Variants in MATK observed in about 807,000 individuals in gnomAD.
MATK encodes the protein megakaryocyte-associated tyrosine kinase.
In MATK, 41 loss-of-function variants were observed where a neutral mutation model predicts 59.8. The ratio of observed to expected loss-of-function variants is 0.69; its 90% CI spans 0.53 to 0.89. MATK has a LOEUF of 0.89. MATK is among the 40% of genes least tolerant of loss of function. MATK has a pLI of 0.00. For synonymous variants in MATK, 308 were observed against 306.1 expected (o/e 1.01, Z -0.06); for missense variants, 593 against 719.6 (o/e 0.82, Z 2.01).
chr19:3,783,958 C>T lies in MATK; in HGVS notation c.438G>A (p.Val146=), dbSNP rs1466115585. The change falls in exon 6 of 14, where the codon GTG becomes GTA. Residue 146 remains valine, a synonymous_variant. Coordinates refer to ENST00000310132, the MANE Select transcript of MATK (RefSeq NM_139355.3). ...LQPPEDGLFL[V]RESARHPGDY... Reference sequence around the variant, plus strand: ...CGCCGGGGTGGCGCGCGGACTCCCGCACCAGGAACAGCCCATCCTCGGGAG... The same window carrying T: ...CGCCGGGGTGGCGCGCGGACTCCCGTACCAGGAACAGCCCATCCTCGGGAG... 6.2e-7 allele frequency: 1 copy of T among 1,612,328 alleles called. No individual in the cohort carries two copies. The highest frequency in any genetic ancestry group is 8.5e-7 in the Non-Finnish European group (1 of 1,179,702).
chr19:3,784,745 C>A, intron 3 of MATK, 80 bp downstream of exon 3: 1 of 994,364 alleles, frequency 1.0e-6, no homozygotes, highest in Non-Finnish European at 1.6e-6. Flanking sequence ...AGAGTACAGC[C>A]CTTCAGGAAG....
intron 1 of MATK, among the ~76,000 whole-genome samples, chr19:3,798,241 T>C (rs2037612740): frequency 1.3e-5 from 2 of 152,148 alleles, no homozygotes; most frequent in Non-Finnish European, 2.9e-5. Flanking sequence ...TCTTTGTCTC[T>C]CCTTCAGGTT....
At chr19:3,789,792 T>A (rs137997526), upstream of MATK, among the ~76,000 whole-genome samples, 1 of 147,894 alleles carries the variant, frequency 6.8e-6, no homozygotes, top group Non-Finnish European at 1.5e-5. Flanking sequence ...TGGCCTGATC[T>A]CGGCTCACTG....
chr19:3,782,668 C>A (rs564909574), intron 7 of MATK: 1 of 179,024 alleles, frequency 5.6e-6, no homozygotes, highest in South Asian at 1.2e-4. Flanking sequence ...CTGGGCCTCT[C>A]TCCCTGGAGG....
chr19:3,779,178 G>A lies in MATK; in HGVS notation c.1011C>T (p.Ala337=), dbSNP rs772454720. ...AQLLQFSLHV[A]EGMEYLESKK... is the part of the protein sequence containing the mutation. Reference sequence around the variant, plus strand: ...TGCTCTCCAGGTACTCCATGCCCTCGGCCACGTGCCTGGGGGTAGTAGGGG... The same window carrying A: ...TGCTCTCCAGGTACTCCATGCCCTCAGCCACGTGCCTGGGGGTAGTAGGGG... The change falls in exon 12 of 14, where the codon GCC becomes GCT. Residue 337 remains alanine, a synonymous_variant. Transcript: ENST00000310132. 99 of 1,589,042 alleles carry A rather than the reference G, an allele frequency of 6.2e-5. No homozygotes were observed. Among genetic ancestry groups the A allele is most frequent in the Middle Eastern group, 1.7e-4 (1 of 6,004 alleles).
At position 3,778,167 on chromosome 19, in the gene MATK, G is replaced by C; in HGVS notation, c.*16C>G. 6.5e-7 allele frequency: 1 copy of C among 1,542,186 alleles called. No homozygotes were observed. Among genetic ancestry groups the C allele is most frequent in the East Asian group, 2.4e-5 (1 of 41,610 alleles). On this transcript the variant is annotated 3_prime_UTR_variant, in exon 14 of 14. Coordinates refer to ENST00000310132, the MANE Select transcript of MATK (RefSeq NM_139355.3). ...CTCTCTCGGTCCTCTGGGGCCAAGG[G>C]CCCCACCGGGTGGGGTCAGGGCTCC... is the stretch of plus-strand genomic sequence containing the variant.
intron 13 of MATK, 35 bp from the exon 14 acceptor site, chr19:3,778,457 A>G: frequency 6.2e-7 from 1 of 1,613,434 alleles, no homozygotes; most frequent in Non-Finnish European, 8.5e-7. Flanking sequence ...GGTCAGGGCC[A>G]CAGCCTCTGG....
intron 12 of MATK, 32 bp from the exon 13 acceptor site, chr19:3,778,627 C>A (rs776930681): frequency 3.8e-6 from 6 of 1,582,420 alleles, no homozygotes; most frequent in Non-Finnish European, 8.6e-7. Context: ...TGAGGAGGGA[C>A]CCCTCAGGTT....
intron 7 of MATK, 121 bp downstream of exon 7, chr19:3,783,005 G>T: frequency 1.2e-6 from 1 of 842,200 alleles, no homozygotes; most frequent in African/African-American, 1.7e-5. Context: ...CTATCCCATA[G>T]CTGGGCATGG....
chr19:3,793,216 C>T (rs1291039342), intron 1 of MATK: 3 of 152,248 alleles, frequency 2.0e-5, no homozygotes, highest in African/African-American at 4.8e-5. Context: ...AGGTTGTTTT[C>T]CAGCCACACT....
At chr19:3,795,422 G>A (rs2037584664) in intron 1 of MATK, among the ~76,000 whole-genome samples, 1 of 151,890 alleles carries the variant, frequency 6.6e-6, no homozygotes, top group African/African-American at 2.4e-5. Flanking sequence ...ACAGGCATGT[G>A]CCACCACACC....
chr19:3,779,136 G>C lies in MATK; in HGVS notation c.1053C>G (p.Arg351=). The C allele has an allele frequency of 6.2e-7, 1 of 1,608,622 alleles. No homozygotes were observed. The highest frequency in any genetic ancestry group is 8.5e-7 in the Non-Finnish European group (1 of 1,178,368). Residue 351 remains arginine, a synonymous_variant, in exon 12 of 14, where the codon CGC becomes CGG. Coordinates refer to ENST00000310132, the MANE Select transcript of MATK (RefSeq NM_139355.3). ...EYLESKKLVH[R]DLAARNILVS... Reference sequence around the variant, plus strand: ...CCAGGATGTTGCGGGCGGCCAGGTCGCGGTGCACAAGCTTCTTGCTCTCCA... The same window carrying C: ...CCAGGATGTTGCGGGCGGCCAGGTCCCGGTGCACAAGCTTCTTGCTCTCCA...
At chr19:3,786,902 C>T (rs2145105926), upstream of MATK, among the ~76,000 whole-genome samples, 1 of 152,154 alleles carries the variant, frequency 6.6e-6, no homozygotes, top group South Asian at 2.1e-4. This position sits in a 1 kb window ranked among gnomAD's most constrained non-coding sequence, Gnocchi z 4.1. Context: ...AAAAGGGGGG[C>T]CTGGGAGTTG....
intron 1 of MATK, 184 bp downstream of exon 1, chr19:3,785,985 G>C: frequency 6.3e-6 from 1 of 158,832 alleles, no homozygotes; most frequent in Non-Finnish European, 1.3e-5. Flanking sequence ...ACCACGCGGG[G>C]TCCGATCGCC....
intron 1 of MATK, among the ~76,000 whole-genome samples, chr19:3,798,818 T>A (rs944019430): frequency 6.6e-6 from 1 of 151,578 alleles, no homozygotes; most frequent in African/African-American, 2.4e-5. Context: ...GGCCTGTTTT[T>A]TTTTTAAGGC....
chr19:3,783,679 G>A (rs1435496958), intron 6 of MATK, 135 bp downstream of exon 6: 1 of 756,826 alleles, frequency 1.3e-6, no homozygotes, highest in Non-Finnish European at 2.2e-6. Flanking sequence ...CAGGAGGTAG[G>A]GATGGTGTCT....
chr19:3,793,572 G>C (rs996564040), intron 1 of MATK, among the ~76,000 whole-genome samples: 1 of 152,018 alleles, frequency 6.6e-6, no homozygotes, highest in African/African-American at 2.4e-5. Flanking sequence ...TGTGGTGGCG[G>C]GTGCCTGTAG....
At chr19:3,789,441 G>T (rs2037519549), upstream of MATK, 2 of 598,494 alleles carry the variant, frequency 3.3e-6, no homozygotes, top group African/African-American at 3.7e-5. Flanking sequence ...TCCTCCCGAG[G>T]AGCCCCAGGG....
rs150057610 is a variant in MATK at position 3,784,485 on chromosome 19, G to A, written c.133-34C>T. ...GGGGCCGGGAGAGGGGCAAAGGGAG[G>A]ACATCACGGAGATGTGGGGAGCAGA... On this transcript the variant is annotated intron_variant, in intron 3 of 13. Coordinates refer to ENST00000310132, the MANE Select transcript of MATK (RefSeq NM_139355.3). 5.1e-3 allele frequency: 7,498 copies of A among 1,482,232 alleles called. 31 individuals are homozygous for A. The highest frequency in any genetic ancestry group is 5.9e-3 in the Non-Finnish European group (6,413 of 1,088,168). 91.8% of individuals were successfully genotyped at this position (1,482,232 alleles called of 1,614,324 possible).
Sources: gnomAD v4.1 joint callset for allele counts (sites outside exome capture counted in the v4.1 genomes callset) on GRCh38, gnomAD v4.1.1 for gene constraint, Gnocchi (gnomAD v3.1) non-coding constraint, MANE v1.5 for transcripts, NCBI Gene and HGNC (gene_info 2026-07-23, HGNC 2026-07-21) for gene names.